CCN5: variants seen among roughly 807,000 people sequenced by gnomAD.
CCN5 encodes CCN family member 5.
A neutral mutation model predicts 18.7 loss-of-function variants in CCN5; 17 were observed. The observed-to-expected ratio is 0.91, with a 90% CI of 0.62 to 1.36. CCN5 has a LOEUF of 1.36. CCN5 is among the 40% of genes most tolerant of loss of function. CCN5 has a pLI of 0.00. For missense variants in CCN5, 367 were observed against 342.9 expected (o/e 1.07, Z -0.56); for synonymous variants, 135 against 145.2 (o/e 0.93, Z 0.50).
chr20:44,723,267 A>T (rs1055975236), intron 2 of CCN5, among the ~76,000 whole-genome samples: 5 of 150,798 alleles, frequency 3.3e-5, no homozygotes, highest in African/African-American at 1.2e-4. Flanking sequence ...GAGCTAGGGG[A>T]CTTACAGCAT....
chr20:44,726,690 C>G (rs2065938304), intron 3 of CCN5, among the ~76,000 whole-genome samples: 1 of 152,170 alleles, frequency 6.6e-6, no homozygotes, highest in South Asian at 2.1e-4. Context: ...AACCTGCCAT[C>G]TTGTTCCTGG....
At position 44,724,774 on chromosome 20, in the gene CCN5, G is replaced by A. The variant is rs748506435; in HGVS notation, c.314G>A (p.Arg105His). 6.2e-6 allele frequency: 10 copies of A among 1,612,654 alleles called. 1 individual carries two copies. The South Asian group carries it at 9.9e-5, about 16-fold the overall frequency. The part of the protein sequence containing the change: ...EDDSSCEVNG[R>H]LYREGETFQP... ...GACAGCAGCTGTGAGGTGAACGGCC[G>A]CCTGTATCGGGAAGGGGAGACCTTC... Residue 105 changes from arginine (R) to histidine (H), a missense_variant, in exon 3 of 4, where the codon CGC becomes CAC. Transcript: ENST00000190983.
chr20:44,727,740 C>A lies in CCN5; in HGVS notation c.*433C>A. On this transcript the variant is annotated 3_prime_UTR_variant, in exon 4 of 4. Transcript: ENST00000190983. Reference sequence around the variant, plus strand: ...GGGGGTAGGATGAAGAGAAGGCACACAGAGATTCTGGATCTCCTGCTGCCT... The same window carrying A: ...GGGGGTAGGATGAAGAGAAGGCACAAAGAGATTCTGGATCTCCTGCTGCCT... The A allele has an allele frequency of 3.2e-6, 1 of 310,354 alleles. No individual in the cohort carries two copies. Among genetic ancestry groups the A allele is most frequent in the Non-Finnish European group, 5.8e-6 (1 of 171,270 alleles). 19.2% of individuals were successfully genotyped at this position (310,354 alleles called of 1,614,324 possible).
rs762453468 is a variant in CCN5 at position 44,720,138 on chromosome 20, G to T, written c.277+25G>T. ...TGTAAGCAGGTTTGCAGGACTGAGTGGGGGCGGGTGTGAGCGGGAGGTCAA... is the reference window on the plus strand; with the variant it reads ...TGTAAGCAGGTTTGCAGGACTGAGTTGGGGCGGGTGTGAGCGGGAGGTCAA... On this transcript the variant is annotated intron_variant, in intron 2 of 3. Coordinates refer to ENST00000190983, the MANE Select transcript of CCN5 (RefSeq NM_003881.4). The T allele has an allele frequency of 4.6e-6, 7 of 1,536,720 alleles. No homozygotes were observed. The South Asian group carries it at 7.1e-5, about 16-fold the overall frequency.
intron 2 of CCN5, chr20:44,721,248 T>G (rs1451296200): frequency 1.3e-5 from 2 of 151,374 alleles, no homozygotes; most frequent in African/African-American, 4.9e-5. Flanking sequence ...GACTCATGCC[T>G]ATAATCCTAT....
At chr20:44,722,629 G>A (rs1313848604) in intron 2 of CCN5, among the ~76,000 whole-genome samples, 6 of 151,900 alleles carry the variant, frequency 3.9e-5, no homozygotes, top group South Asian at 2.1e-4. Flanking sequence ...ACCATGCCTC[G>A]CTAATTTTTG....
intron 2 of CCN5, chr20:44,720,701 T>C (rs910651559): frequency 6.5e-6 from 1 of 153,918 alleles, no homozygotes; most frequent in African/African-American, 2.4e-5. Flanking sequence ...TCTCCCATAG[T>C]GGGGGCCCTC....
rs749316860 is a variant in CCN5, at chr20:44,720,095, C to CG, written c.265dup (p.Ala89GlyfsTer13). ...CCAGCCCGGGGCAGGACCCGGTGGC[C>CG]GGGGGGCCCTGTGCCTCTGTAAGCA... On this transcript the variant is annotated frameshift_variant, in exon 2 of 4. Transcript: ENST00000190983. LOFTEE classifies it high-confidence loss of function. 33 of 1,552,196 alleles carry CG rather than the reference C, an allele frequency of 2.1e-5. No individual in the cohort carries two copies. Among genetic ancestry groups the CG allele is most frequent in the Non-Finnish European group, 2.3e-5 (27 of 1,155,364 alleles).
chr20:44,721,271 C>T (rs1413729052), intron 2 of CCN5: 1 of 150,658 alleles, frequency 6.6e-6, no homozygotes. Flanking sequence ...GTTTGGGAGA[C>T]TGAGGCGGGA....
chr20:44,725,454 GAA>G (rs1343438232), intron 3 of CCN5, among the ~76,000 whole-genome samples: 1 of 151,934 alleles, frequency 6.6e-6, no homozygotes, highest in South Asian at 2.1e-4. Context: ...GAGGAAAAAA[GAA>G]AGAGGAGTGG....
chr20:44,715,340 TAA>T, upstream of CCN5: 2 of 1,557,482 alleles, frequency 1.3e-6, no homozygotes, highest in Non-Finnish European at 1.7e-6. Flanking sequence ...TGCCGGAACA[TAA>T]AGACTCACAG....
chr20:44,724,696 G>T, intron 2 of CCN5, 42 bp from the exon 3 acceptor site: 1 of 1,609,778 alleles, frequency 6.2e-7, no homozygotes, highest in South Asian at 1.1e-5. Context: ...AGGCTGTGCC[G>T]CTTTGCGGGT....
chr20:44,720,452 C>A, intron 2 of CCN5: 1 of 411,662 alleles, frequency 2.4e-6, no homozygotes, highest in Non-Finnish European at 4.4e-6. Context: ...TTCTCAGGAT[C>A]CTTACAACAC....
chr20:44,722,220 G>T (rs1254492723), intron 2 of CCN5, among the ~76,000 whole-genome samples: 4 of 152,178 alleles, frequency 2.6e-5, no homozygotes, highest in African/African-American at 9.7e-5. Context: ...CTAGGGCTTT[G>T]CAGGGAACAT....
chr20:44,727,211 G>A lies in CCN5; in HGVS notation c.657G>A (p.Gln219=). Residue 219 remains glutamine (Q), a synonymous_variant, in exon 4 of 4, where the codon CAG becomes CAA. Transcript: ENST00000190983. ...GCATGGCCACCCGGGTGTCCAACCA[G>A]AACCGCTTCTGCCGACTGGAGACCC... ...GLGMATRVSN[Q]NRFCRLETQR... 1.2e-6 allele frequency: 2 copies of A among 1,613,756 alleles called. No homozygotes were observed. The highest frequency in any genetic ancestry group is 1.7e-6 in the Non-Finnish European group (2 of 1,180,024).
chr20:44,720,038 C>G lies in CCN5; in HGVS notation c.202C>G (p.His68Asp), dbSNP rs757834284. Residue 68 changes from histidine (H) to aspartate (D), a missense_variant, in exon 2 of 4, where the codon CAC (histidine) becomes GAC (aspartate). His to Asp is a moderately conservative substitution (Grantham distance 81, BLOSUM62 -1). Coordinates refer to ENST00000190983, the MANE Select transcript of CCN5 (RefSeq NM_003881.4). ...GCTGGGGGAGCCCTGCGACCAACTC[C>G]ACGTCTGCGACGCCAGCCAGGGCCT... ...RRLGEPCDQL[H>D]VCDASQGLVC... 6.2e-7 allele frequency: 1 copy of G among 1,600,138 alleles called. No homozygotes were observed. Among genetic ancestry groups the G allele is most frequent in the Non-Finnish European group, 8.5e-7 (1 of 1,177,118 alleles).
chr20:44,721,497 C>T (rs1326314019), intron 2 of CCN5: 1 of 117,912 alleles, frequency 8.5e-6, no homozygotes, highest in Non-Finnish European at 1.6e-5. Flanking sequence ...GGGCAACAGA[C>T]CAAACCCTAT....
chr20:44,726,934 T>A (rs544328627), intron 3 of CCN5, among the ~76,000 whole-genome samples, 153 bp from the exon 4 acceptor site: 1 of 152,358 alleles, frequency 6.6e-6, no homozygotes, highest in African/African-American at 2.4e-5. Flanking sequence ...TTTTATTCAA[T>A]GCCATCCACT....
chr20:44,724,680 C>T (rs1600995696), intron 2 of CCN5, 58 bp from the exon 3 acceptor site: 7 of 1,606,016 alleles, frequency 4.4e-6, no homozygotes, highest in Non-Finnish European at 1.7e-6. Flanking sequence ...GGCAGCTCTG[C>T]AGAGAAGGCT....
Sources: allele counts gnomAD v4.1 joint callset (sites outside exome capture counted in the v4.1 genomes callset), GRCh38; gene constraint gnomAD v4.1.1; transcripts MANE v1.5; gene names NCBI Gene and HGNC (gene_info 2026-07-23, HGNC 2026-07-21).